Variants in PTPRD observed in about 807,000 individuals in gnomAD.
PTPRD encodes the protein protein tyrosine phosphatase receptor type D.
Under a neutral mutation model 214.5 loss-of-function variants are expected in PTPRD, and 34 were observed. That is an observed-to-expected ratio of 0.16 (90% CI 0.12 to 0.21). The LOEUF (loss-of-function observed/expected upper bound fraction) is 0.21, where lower values mean the gene tolerates loss of function less well. PTPRD is among the 10% of genes least tolerant of loss of function. PTPRD has a pLI of 1.00. For synonymous variants in PTPRD, 1,128 were observed against 845.7 expected (o/e 1.33, Z -5.79); for missense variants, 2,545 against 2,398.7 (o/e 1.06, Z -1.27).
At chr9:10,453,548 A>G (rs1425850266) in intron 2 of PTPRD, among the ~76,000 whole-genome samples, 1 of 151,404 alleles carries the variant, frequency 6.6e-6, no homozygotes, top group East Asian at 1.9e-4. Context: ...TAAGTATTTT[A>G]TTTTTATAGC....
intron 2 of PTPRD, among the ~76,000 whole-genome samples, chr9:10,467,359 T>A (rs1303450340): frequency 6.6e-6 from 1 of 152,202 alleles, no homozygotes; most frequent in African/African-American, 2.4e-5. Context: ...TTAAGTTGTT[T>A]TCCTATCATA....
chr9:10,461,869 G>A (rs1046503181), intron 2 of PTPRD, among the ~76,000 whole-genome samples: 7 of 151,970 alleles, frequency 4.6e-5, no homozygotes, highest in African/African-American at 7.3e-5. Context: ...TAATCCGCCC[G>A]CCCCAGCCTC....
intron 12 of PTPRD, among the ~76,000 whole-genome samples, chr9:8,711,150 T>A (rs951196824): frequency 9.4e-5 from 13 of 138,382 alleles, no homozygotes; most frequent in African/African-American, 3.5e-4. Flanking sequence ...TAAAACACTG[T>A]AAGAATCACT....
intron 6 of PTPRD, among the ~76,000 whole-genome samples, chr9:9,743,339 G>A (rs1383882464): frequency 6.6e-6 from 1 of 152,114 alleles, no homozygotes; most frequent in Non-Finnish European, 1.5e-5. Context: ...CTTTTTAGAT[G>A]TATTCATTTG....
At chr9:9,773,132 A>C (rs1313612624) in intron 5 of PTPRD, among the ~76,000 whole-genome samples, 1 of 152,204 alleles carries the variant, frequency 6.6e-6, no homozygotes. Flanking sequence ...AGATAAGTGT[A>C]TAAAAAGATC....
At chr9:9,478,139 T>A (rs75693548) in intron 8 of PTPRD, among the ~76,000 whole-genome samples, 162 of 152,094 alleles carry the variant, frequency 1.1e-3, no homozygotes, top group African/African-American at 3.6e-3. Context: ...TTGGCCTTGT[T>A]ACAGTTTTAG....
At chr9:9,716,482 T>C (rs2097835328) in intron 7 of PTPRD, among the ~76,000 whole-genome samples, 1 of 151,968 alleles carries the variant, frequency 6.6e-6, no homozygotes, top group Admixed American at 6.6e-5. Flanking sequence ...AGTGTAAAAG[T>C]GTTCCTATTT....
At chr9:10,030,001 T>C (rs1472441530) in intron 4 of PTPRD, among the ~76,000 whole-genome samples, 1 of 152,130 alleles carries the variant, frequency 6.6e-6, no homozygotes, top group African/African-American at 2.4e-5. Flanking sequence ...TCTCATAAGA[T>C]CTGATGGTTT....
intron 3 of PTPRD, among the ~76,000 whole-genome samples, chr9:10,142,440 C>G (rs923319224): frequency 1.3e-5 from 2 of 149,648 alleles, no homozygotes; most frequent in Non-Finnish European, 3.0e-5. Flanking sequence ...AAAAAACAAA[C>G]AACTCCATCA....
chr9:9,931,356 T>C (rs1425939108), intron 5 of PTPRD, among the ~76,000 whole-genome samples: 5 of 152,066 alleles, frequency 3.3e-5, no homozygotes, highest in Admixed American at 1.3e-4. Context: ...TGGGCGCAGG[T>C]CAGTGGGTGC....
chr9:10,555,267 T>G (rs564179261), intron 2 of PTPRD, among the ~76,000 whole-genome samples: 1 of 152,290 alleles, frequency 6.6e-6, no homozygotes, highest in Non-Finnish European at 1.5e-5. Flanking sequence ...AAGGAGTATG[T>G]TGTGGTGCTT....
chr9:9,765,956 C>T (rs1007913836), intron 6 of PTPRD, among the ~76,000 whole-genome samples: 3 of 152,190 alleles, frequency 2.0e-5, no homozygotes, highest in Non-Finnish European at 4.4e-5. Flanking sequence ...GCCACCGCGC[C>T]CAGCCCGTAA....
At chr9:8,739,713 GA>G (rs1427061820) in intron 11 of PTPRD, among the ~76,000 whole-genome samples, 1 of 152,040 alleles carries the variant, frequency 6.6e-6, no homozygotes, top group Non-Finnish European at 1.5e-5. Context: ...CTCACTAACT[GA>G]TATGGTTTGA....
At chr9:9,209,260 C>G (rs2099947022) in intron 9 of PTPRD, among the ~76,000 whole-genome samples, 2 of 152,248 alleles carry the variant, frequency 1.3e-5, no homozygotes, top group Non-Finnish European at 2.9e-5. Context: ...TATTGTTAAG[C>G]AATGAACAAA....
chr9:9,557,631 G>C (rs10217193), intron 8 of PTPRD, among the ~76,000 whole-genome samples: 2 of 152,164 alleles, frequency 1.3e-5, no homozygotes, highest in African/African-American at 2.4e-5. Context: ...CTGCTACCTA[G>C]AGACTTCATC....
At chr9:9,136,203 A>C (rs78479697) in intron 10 of PTPRD, among the ~76,000 whole-genome samples, 5,934 of 152,248 alleles carry the variant, frequency 0.039, 248 homozygotes, top group African/African-American at 0.093. Flanking sequence ...TAAGGAGAAA[A>C]AAATGGCAAG....
At chr9:8,831,998 A>T (rs2097302058) in intron 11 of PTPRD, among the ~76,000 whole-genome samples, 1 of 152,136 alleles carries the variant, frequency 6.6e-6, no homozygotes, top group African/African-American at 2.4e-5. Context: ...TTATTTGAAC[A>T]GCATGACAGA....
intron 2 of PTPRD, among the ~76,000 whole-genome samples, chr9:10,544,569 T>G (rs2059810133): frequency 6.6e-6 from 1 of 152,170 alleles, no homozygotes; most frequent in Non-Finnish European, 1.5e-5. Flanking sequence ...AAGAGAATTA[T>G]CACCCATCAT....
chr9:10,100,032 G>T (rs1197384695), intron 3 of PTPRD, among the ~76,000 whole-genome samples: 2 of 151,570 alleles, frequency 1.3e-5, no homozygotes, highest in Non-Finnish European at 1.5e-5. Context: ...TGTGTTTTCG[G>T]TGTGAGTATG....
Sources: allele counts gnomAD v4.1 joint callset (sites outside exome capture counted in the v4.1 genomes callset), GRCh38; gene constraint gnomAD v4.1.1; transcripts MANE v1.5; gene names NCBI Gene and HGNC (gene_info 2026-07-23, HGNC 2026-07-21).